Variants in TMEM117 observed in about 807,000 individuals in gnomAD.
TMEM117 encodes transmembrane protein 117.
TMEM117 carries 27 observed loss-of-function variants against 52.4 expected under a neutral mutation model. That is an observed-to-expected ratio of 0.51 (90% CI 0.38 to 0.71). The LOEUF (loss-of-function observed/expected upper bound fraction) is 0.71. Ranked by LOEUF, TMEM117 falls within the 30% of genes least tolerant of loss-of-function variation. TMEM117 has a pLI of 0.00. For missense variants in TMEM117, 556 were observed against 630.5 expected (o/e 0.88, Z 1.26); for synonymous variants, 215 against 206.3 (o/e 1.04, Z -0.36).
At chr12:44,014,632 A>G (rs1946346104) in intron 3 of TMEM117, among the ~76,000 whole-genome samples, 1 of 152,154 alleles carries the variant, frequency 6.6e-6, no homozygotes, top group African/African-American at 2.4e-5. Context: ...ACACTACCCA[A>G]TTCCACAGGT....
intron 3 of TMEM117, among the ~76,000 whole-genome samples, chr12:44,030,584 A>G (rs774238936): frequency 2.0e-5 from 3 of 152,224 alleles, no homozygotes; most frequent in South Asian, 2.1e-4. Context: ...GGAAATGACT[A>G]TGGAAAGGCA....
the TMEM117 span, among the ~76,000 whole-genome samples, chr12:43,826,292 C>G: frequency 6.6e-6 from 1 of 152,182 alleles, no homozygotes; most frequent in African/African-American, 2.4e-5. Context: ...TACTCTGTGC[C>G]AGGCACTCTT....
chr12:44,330,013 T>C (rs971179781), intron 6 of TMEM117, among the ~76,000 whole-genome samples: 1 of 151,390 alleles, frequency 6.6e-6, no homozygotes, highest in Non-Finnish European at 1.5e-5. Flanking sequence ...CTTTCAGGGG[T>C]TTTTTTGGAA....
At chr12:43,884,381 A>C (rs956705176) in intron 2 of TMEM117, among the ~76,000 whole-genome samples, 1 of 152,142 alleles carries the variant, frequency 6.6e-6, no homozygotes, top group Non-Finnish European at 1.5e-5. Context: ...GAATAAAAAA[A>C]TTCATTCAAA....
Position 44,388,029 on chromosome 12 carries a change from A to G in TMEM117, c.902A>G (p.Lys301Arg), listed in dbSNP as rs1474551624. The G allele has an allele frequency of 1.2e-6, 2 of 1,602,320 alleles. No homozygotes were observed. The highest frequency in any genetic ancestry group is 1.7e-5 in the Admixed American group (1 of 57,914). ...CAGTATTTCTTTTTTAATGCAGGCA[A>G]ATGGTTTAACTATGGAATTATCTTC... ...KEEYRIHITG[K>R]WFNYGIIFLV... is the part of the protein sequence containing the mutation. The change falls in exon 8 of 8, where the codon AAA becomes AGA. Residue 301 changes from lysine to arginine, a missense_variant. By Grantham distance (26) the Lys-to-Arg change is conservative. Transcript: ENST00000266534.
rs1565797841 is a variant in TMEM117 at position 44,027,139 on chromosome 12, ATTT to A, written c.410+82799_410+82801del. 2.4e-4 allele frequency among the ~76,000 whole-genome samples: 11 copies of A among 45,230 alleles called. No individual in the cohort carries two copies. The South Asian group carries it at 0.015, about 62-fold the overall frequency. The allele number at this position is 45,230 out of a possible 152,430, so 29.7% of individuals were successfully genotyped here. A position where few individuals can be genotyped will look rare whatever the true frequency, so the allele number is the denominator to read the frequency against. ...ATCTTATTATTTTATTTTATATTTTATTTTATTTTATTTTATTTTATTTTATTT... is the reference window on the plus strand; with the variant it reads ...ATCTTATTATTTTATTTTATATTTTATATTTTATTTTATTTTATTTTATTT... On this transcript the variant is annotated intron_variant, in intron 3 of 7. Coordinates refer to ENST00000266534, the MANE Select transcript of TMEM117 (RefSeq NM_032256.3).
At chr12:44,080,402 A>G (rs1198416023) in intron 3 of TMEM117, among the ~76,000 whole-genome samples, 3 of 152,250 alleles carry the variant, frequency 2.0e-5, no homozygotes, top group Admixed American at 2.0e-4. Flanking sequence ...GAACAGCATG[A>G]GGGTAACTGC....
intron 6 of TMEM117, among the ~76,000 whole-genome samples, chr12:44,367,360 C>A (rs894589372): frequency 1.3e-5 from 2 of 152,108 alleles, no homozygotes; most frequent in African/African-American, 4.8e-5. Flanking sequence ...AATATTCAGT[C>A]TTTTTATTAC....
the TMEM117 span, chr12:43,797,480 TTAAAA>T: frequency 6.5e-7 from 1 of 1,527,552 alleles, no homozygotes; most frequent in Non-Finnish European, 8.9e-7. Flanking sequence ...AATATGTTCA[TTAAAA>T]CCAGATATAA....
intron 4 of TMEM117, among the ~76,000 whole-genome samples, chr12:44,157,373 G>A (rs544265606): frequency 2.0e-5 from 3 of 151,058 alleles, no homozygotes; most frequent in African/African-American, 7.4e-5. Flanking sequence ...TGCTAATATT[G>A]TTAGTGTTAC....
intron 4 of TMEM117, among the ~76,000 whole-genome samples, chr12:44,152,699 A>G (rs1247484803): frequency 7.4e-6 from 1 of 134,436 alleles, no homozygotes; most frequent in Non-Finnish European, 1.5e-5. Context: ...TTATATATAA[A>G]TTTTTATATA....
rs375584878 is a variant in TMEM117, at chr12:44,037,659, A to G, written c.410+93317A>G. ...CCCACCCATGGCCACCCATGAACCA[A>G]TTAGTACGCACTTCCTCTTCTTTGA... On this transcript the variant is annotated intron_variant, in intron 3 of 7. Transcript: ENST00000266534. Among the ~76,000 whole-genome samples, 65 of 152,228 alleles carry G rather than the reference A, an allele frequency of 4.3e-4. No homozygotes were observed. The South Asian group carries it at 0.013, about 30-fold the overall frequency.
chr12:44,220,103 T>G (rs917593607), intron 5 of TMEM117, among the ~76,000 whole-genome samples: 4 of 152,158 alleles, frequency 2.6e-5, no homozygotes, highest in Non-Finnish European at 5.9e-5. Context: ...AAAAAGATAC[T>G]AATGTAGGTA....
intron 3 of TMEM117, among the ~76,000 whole-genome samples, chr12:44,073,990 T>C (rs1006205077): frequency 5.3e-5 from 8 of 152,224 alleles, no homozygotes; most frequent in Non-Finnish European, 1.2e-4. Context: ...AAACTAGTGA[T>C]AGTGATTGTG....
At chr12:43,813,231 GTTTTTTTTTTTTTTT>G in the TMEM117 span, among the ~76,000 whole-genome samples, 1 of 62,618 alleles carries the variant, frequency 1.6e-5, no homozygotes, top group African/African-American at 5.9e-5. Flanking sequence ...GTTTTCTCTT[GTTTTTTTTTTTTTTT>G]TTTTTTTTTT....
chr12:44,139,078 A>G (rs776857660), intron 3 of TMEM117, among the ~76,000 whole-genome samples: 1 of 152,144 alleles, frequency 6.6e-6, no homozygotes, highest in Non-Finnish European at 1.5e-5. Context: ...TTGTGTGTGA[A>G]GCCCCCAATC....
intron 4 of TMEM117, among the ~76,000 whole-genome samples, chr12:44,189,231 C>T (rs1949319767): frequency 6.6e-6 from 1 of 152,144 alleles, no homozygotes; most frequent in African/African-American, 2.4e-5. Flanking sequence ...ATATCCACAT[C>T]ATTGCCATCA....
In TMEM117 at chr12:44,171,108, C is replaced by T. The variant is rs952266719; in HGVS notation, c.510+27484C>T. On this transcript the variant is annotated intron_variant, in intron 4 of 7. Transcript: ENST00000266534. ...TCAGCTCACTGCAAGCTCCACCTCCCGGGTTCACGCCATTCTCCTGCCTCA... is the reference window on the plus strand; with the variant it reads ...TCAGCTCACTGCAAGCTCCACCTCCTGGGTTCACGCCATTCTCCTGCCTCA... Among the ~76,000 whole-genome samples, 8 of 151,208 alleles carry T rather than the reference C, an allele frequency of 5.3e-5. No individual in the cohort carries two copies. The South Asian group carries it at 8.4e-4, about 16-fold the overall frequency.
At chr12:44,215,489 A>T (rs1250905739) in intron 5 of TMEM117, among the ~76,000 whole-genome samples, 1 of 152,186 alleles carries the variant, frequency 6.6e-6, no homozygotes, top group African/African-American at 2.4e-5. Context: ...AAAAGAGTAA[A>T]GATCTAAGAA....
Sources: allele counts gnomAD v4.1 joint callset (sites outside exome capture counted in the v4.1 genomes callset), GRCh38; gene constraint gnomAD v4.1.1; transcripts MANE v1.5; gene names NCBI Gene and HGNC (gene_info 2026-07-23, HGNC 2026-07-21).